The following USP34 variants were observed in gnomAD, a reference collection of about 807,000 sequenced individuals.
USP34 encodes ubiquitin carboxyl-terminal hydrolase 34.
A neutral mutation model predicts 460.3 loss-of-function variants in USP34; 70 were observed. The ratio of observed to expected loss-of-function variants is 0.15; its 90% CI spans 0.13 to 0.19. The LOEUF is 0.19. USP34 is among the 10% of genes least tolerant of loss of function. USP34 has a pLI of 1.00. For missense variants in USP34, 3,985 were observed against 4,236.2 expected, an observed-to-expected ratio of 0.94 and a Z score of 1.65; for synonymous variants, 1,647 against 1,405.3, an observed-to-expected ratio of 1.17 and a Z score of -3.85.
Position 61,348,389 on chromosome 2 carries a change from G to T in USP34, c.1766C>A (p.Ser589Tyr), listed in dbSNP as rs2103778849. ...PGSSSGHSDG[S>Y]SNEVNSSHAS... is the part of the protein sequence containing the mutation. ...GTGGCTAGAATTAACCTCATTGCTAGATCCATCACTATGCCCACTACTGCT... is the reference window on the plus strand; with the variant it reads ...GTGGCTAGAATTAACCTCATTGCTATATCCATCACTATGCCCACTACTGCT... The change falls in exon 15 of 80, where the codon TCT becomes TAT. Residue 589 changes from serine (S) to tyrosine (Y), a missense_variant. This residue lies in a region of USP34 where 716 missense variants were observed against 626.2 expected (regional missense o/e 1.14). Transcript: ENST00000398571. 1 of 1,613,898 alleles carries T rather than the reference G, an allele frequency of 6.2e-7. No homozygotes were observed. Among genetic ancestry groups the T allele is most frequent in the East Asian group, 2.2e-5 (1 of 44,874 alleles).
chr2:61,406,242 T>C, intron 2 of USP34, 114 bp from the exon 3 acceptor site: 1 of 971,068 alleles, frequency 1.0e-6, no homozygotes, highest in Non-Finnish European at 1.5e-6. Flanking sequence ...GTTTTTATTT[T>C]TTCCTTCCTG....
chr2:61,217,982 AAAAT>A (rs1417025798), intron 67 of USP34, among the ~76,000 whole-genome samples: 5 of 151,970 alleles, frequency 3.3e-5, no homozygotes, highest in Admixed American at 1.3e-4. Flanking sequence ...TAAGAAAATA[AAAAT>A]AAATAAATAA....
At position 61,342,403 on chromosome 2, in the gene USP34, C is replaced by T. The variant is rs369324292; in HGVS notation, c.2500+1412G>A. On this transcript the variant is annotated intron_variant, in intron 16 of 79. Transcript: ENST00000398571. ...GCAACCTCCACAGCCTGGGTTCAAG[C>T]GATTCTCCTGCTTCAGCCTCCCAAG... is the stretch of plus-strand genomic sequence containing the variant. Among the ~76,000 whole-genome samples, 33 of 146,294 alleles carry T rather than the reference C, an allele frequency of 2.3e-4. No homozygotes were observed. In the East Asian group the frequency reaches 3.6e-3, roughly 16 times the overall value.
intron 33 of USP34, among the ~76,000 whole-genome samples, chr2:61,289,434 T>C (rs1049065676): frequency 2.8e-4 from 43 of 152,128 alleles, no homozygotes; most frequent in Non-Finnish European, 5.6e-4. Flanking sequence ...TTGTTTAGTA[T>C]GTATAAAAAA....
intron 1 of USP34, among the ~76,000 whole-genome samples, chr2:61,454,834 C>T (rs552575157): frequency 1.6e-4 from 24 of 151,300 alleles, no homozygotes; most frequent in Admixed American, 2.6e-4. Flanking sequence ...TAGGCATAGC[C>T]GCCACACCCA....
intron 1 of USP34, among the ~76,000 whole-genome samples, chr2:61,441,802 CAAAAAAAA>C (rs70963429): frequency 9.2e-5 from 9 of 97,336 alleles, no homozygotes; most frequent in Non-Finnish European, 1.9e-4. Context: ...GACTGCATTA[CAAAAAAAA>C]AAAAAGAAAA....
intron 6 of USP34, 95 bp from the exon 7 acceptor site, chr2:61,380,456 T>A: frequency 7.6e-7 from 1 of 1,317,782 alleles, no homozygotes; most frequent in South Asian, 1.6e-5. Context: ...AGCATTAACA[T>A]TTTTTGTGTC....
chr2:61,343,929 C>T lies in USP34; in HGVS notation c.2386G>A (p.Glu796Lys). 6.2e-7 allele frequency: 1 copy of T among 1,613,946 alleles called. No individual in the cohort carries two copies. Among genetic ancestry groups the T allele is most frequent in the Non-Finnish European group, 8.5e-7 (1 of 1,179,898 alleles). Residue 796 changes from glutamate to lysine, a missense_variant, in exon 16 of 80, where the codon GAA becomes AAA. Transcript: ENST00000398571. Reference protein sequence around the residue: ...EKNMADFDGEESGCEEELVQI... With the variant: ...EKNMADFDGEKSGCEEELVQI... Reference sequence around the variant, plus strand: ...ACTAGCTCCTCTTCACATCCAGATTCTTCACCATCAAAATCAGCCATATTT... The same window carrying T: ...ACTAGCTCCTCTTCACATCCAGATTTTTCACCATCAAAATCAGCCATATTT...
intron 2 of USP34, among the ~76,000 whole-genome samples, chr2:61,417,744 CTTT>C (rs55680146): frequency 2.3e-5 from 2 of 87,936 alleles, no homozygotes; most frequent in Non-Finnish European, 4.4e-5. Flanking sequence ...TTTTTCTTTT[CTTT>C]TTTTTTTTTT....
intron 1 of USP34, among the ~76,000 whole-genome samples, chr2:61,435,031 C>CGT (rs1694774425): frequency 1.3e-5 from 2 of 152,024 alleles, no homozygotes; most frequent in African/African-American, 4.8e-5. Flanking sequence ...AGGCCAAGCA[C>CGT]AGCACCTCAC....
chr2:61,343,057 T>C (rs1691655106), intron 16 of USP34, among the ~76,000 whole-genome samples: 1 of 152,222 alleles, frequency 6.6e-6, no homozygotes, highest in Non-Finnish European at 1.5e-5. Flanking sequence ...CCACAAGTTG[T>C]GTTTCTAAGT....
intron 10 of USP34, among the ~76,000 whole-genome samples, chr2:61,366,989 C>T (rs1337556035): frequency 6.6e-6 from 1 of 152,048 alleles, no homozygotes; most frequent in Non-Finnish European, 1.5e-5. Flanking sequence ...GCAGAAGCTG[C>T]AGCAAGTCAA....
At position 61,343,981 on chromosome 2, in the gene USP34, G is replaced by A. The variant is rs772170021; in HGVS notation, c.2334C>T (p.Ser778=). The stretch of plus-strand genomic sequence containing the variant: ...TTTCTGATTTTGCACTAACCTGGGA[G>A]CTACTACAACTGACATCATCTGCAC... ...MLSADDVSCS[S]SQVSAKSEKN... Residue 778 remains serine, a synonymous_variant, in exon 16 of 80, where the codon AGC becomes AGT. Coordinates refer to ENST00000398571, the MANE Select transcript of USP34 (RefSeq NM_014709.4). 18 of 1,613,804 alleles carry A rather than the reference G, an allele frequency of 1.1e-5. No homozygotes were observed. The highest frequency in any genetic ancestry group is 1.7e-5 in the Admixed American group (1 of 60,004).
At chr2:61,317,822 T>C in intron 22 of USP34, 55 bp from the exon 23 acceptor site, 1 of 1,309,720 alleles carries the variant, frequency 7.6e-7, no homozygotes, top group Non-Finnish European at 1.1e-6. Context: ...ATTCACAGAT[T>C]TTATTAAATT....
At chr2:61,247,968 C>G (rs944070702) in intron 49 of USP34, among the ~76,000 whole-genome samples, 5 of 152,028 alleles carry the variant, frequency 3.3e-5, no homozygotes, top group Admixed American at 1.3e-4. Flanking sequence ...AGGTGGATTG[C>G]CTGAGGTCAG....
At chr2:61,272,686 T>C (rs543423639) in intron 41 of USP34, among the ~76,000 whole-genome samples, 26 of 152,306 alleles carry the variant, frequency 1.7e-4, no homozygotes, top group South Asian at 4.1e-4. Flanking sequence ...ATCTCTCCTG[T>C]ATGAAAGCTT....
chr2:61,340,705 A>T (rs1308475254), intron 16 of USP34, among the ~76,000 whole-genome samples: 1 of 152,142 alleles, frequency 6.6e-6, no homozygotes, highest in Non-Finnish European at 1.5e-5. Flanking sequence ...TATGCTTATT[A>T]GCCATGTGTA....
intron 5 of USP34, among the ~76,000 whole-genome samples, chr2:61,388,781 A>ATATATG (rs1243280417): frequency 2.2e-5 from 3 of 136,894 alleles, no homozygotes; most frequent in Non-Finnish European, 4.9e-5. Context: ...ATATATATAT[A>ATATATG]TATGTACACA....
At chr2:61,412,326 T>C (rs148999223) in intron 2 of USP34, among the ~76,000 whole-genome samples, 2 of 151,394 alleles carry the variant, frequency 1.3e-5, no homozygotes, top group Non-Finnish European at 2.9e-5. Context: ...CTGAGAGATA[T>C]AAAATATTAC....
Sources: allele counts gnomAD v4.1 joint callset (sites outside exome capture counted in the v4.1 genomes callset), GRCh38; gene constraint gnomAD v4.1.1; regional missense constraint gnomAD v4.1.1; transcripts MANE v1.5; gene names NCBI Gene and HGNC (gene_info 2026-07-23, HGNC 2026-07-21).